ZNF469: variants seen among roughly 807,000 people sequenced by gnomAD.
ZNF469 encodes zinc finger protein 469.
A neutral mutation model predicts 1.0 loss-of-function variants in ZNF469; 1 was observed. The ratio of observed to expected loss-of-function variants is 1.00; its 90% CI spans 0.35 to 4.73. The LOEUF is 4.73. Among genes scored for constraint, ZNF469 ranks in the 30% most tolerant of loss-of-function variants. The pLI is 0.16. For missense variants in ZNF469, 6,100 were observed against 5,356.3 expected (o/e 1.14, Z -4.33); for synonymous variants, 2,703 against 2,363.4 (o/e 1.14, Z -4.17).
the ZNF469 span, among the ~76,000 whole-genome samples, chr16:88,341,824 G>C: frequency 6.6e-6 from 1 of 152,138 alleles, no homozygotes; most frequent in Non-Finnish European, 1.5e-5. Context: ...CGGGTGACTG[G>C]ATGAGCCTGA....
At chr16:88,282,292 T>C in the ZNF469 span, among the ~76,000 whole-genome samples, 1 of 152,132 alleles carries the variant, frequency 6.6e-6, no homozygotes, top group Non-Finnish European at 1.5e-5. Flanking sequence ...CTTGGGCCTG[T>C]GTTCTCACTG....
At chr16:88,186,878 C>A in the ZNF469 span, among the ~76,000 whole-genome samples, 1 of 152,054 alleles carries the variant, frequency 6.6e-6, no homozygotes, top group Non-Finnish European at 1.5e-5. Context: ...GGGGCCTGAG[C>A]TGCAGAGGAG....
the ZNF469 span, among the ~76,000 whole-genome samples, chr16:88,345,709 G>A: frequency 2.6e-5 from 4 of 152,320 alleles, no homozygotes; most frequent in South Asian, 4.1e-4. Flanking sequence ...AGCCTTGCCT[G>A]CTTCCACCAA....
intron 1 of ZNF469, among the ~76,000 whole-genome samples, chr16:88,405,918 C>G (rs549624152): frequency 1.1e-4 from 17 of 152,342 alleles, no homozygotes; most frequent in African/African-American, 3.6e-4. Context: ...CCCCCGCCCC[C>G]AAAACACACA....
intron 1 of ZNF469, among the ~76,000 whole-genome samples, chr16:88,398,786 C>CAGCA (rs767470438): frequency 6.6e-5 from 10 of 152,080 alleles, no homozygotes; most frequent in Non-Finnish European, 1.3e-4. Context: ...GGCTCCTTTG[C>CAGCA]AGCAGCCCAG....
the ZNF469 span, among the ~76,000 whole-genome samples, chr16:88,217,103 T>C: frequency 1.3e-5 from 2 of 152,204 alleles, no homozygotes; most frequent in Non-Finnish European, 2.9e-5. Flanking sequence ...CTCTTGGTTT[T>C]TGGTCGTGTG....
chr16:88,172,556 A>G, the ZNF469 span, among the ~76,000 whole-genome samples: 9 of 152,380 alleles, frequency 5.9e-5, no homozygotes, highest in African/African-American at 2.2e-4. Context: ...CCAGAAATCA[A>G]CAATGAATTT....
At chr16:88,275,476 T>C in the ZNF469 span, among the ~76,000 whole-genome samples, 4 of 152,132 alleles carry the variant, frequency 2.6e-5, no homozygotes, top group African/African-American at 9.7e-5. Context: ...TGAGATCCCC[T>C]CAGAGCCACA....
the ZNF469 span, among the ~76,000 whole-genome samples, chr16:88,135,080 A>G: frequency 6.6e-6 from 1 of 152,240 alleles, no homozygotes; most frequent in African/African-American, 2.4e-5. Context: ...GGCCCCGGGC[A>G]GAAGGGGCTC....
At chr16:88,309,528 C>T in the ZNF469 span, among the ~76,000 whole-genome samples, 2 of 144,772 alleles carry the variant, frequency 1.4e-5, no homozygotes, top group African/African-American at 2.7e-5. Flanking sequence ...GGTCCCGTCT[C>T]GGTGTTCAGG....
At position 88,392,483 on chromosome 16, in the gene ZNF469, C is replaced by T. The variant is rs570846148; in HGVS notation, c.-192+9229C>T. Reference sequence around the variant, plus strand: ...CGGACCTCTTTCGTCTCTGAGAGTTCGTTCCTTAAAATAGGGTCGGTGGGC... The same window carrying T: ...CGGACCTCTTTCGTCTCTGAGAGTTTGTTCCTTAAAATAGGGTCGGTGGGC... On this transcript the variant is annotated intron_variant, in intron 1 of 2. Coordinates refer to ENST00000565624, the MANE Select transcript of ZNF469 (RefSeq NM_001367624.2). 5.9e-5 allele frequency among the ~76,000 whole-genome samples: 9 copies of T among 152,356 alleles called. No individual in the cohort carries two copies. In the South Asian group the frequency reaches 1.7e-3, roughly 28 times the overall value.
At chr16:88,266,300 G>T in the ZNF469 span, among the ~76,000 whole-genome samples, 1 of 152,238 alleles carries the variant, frequency 6.6e-6, no homozygotes, top group South Asian at 2.1e-4. Context: ...CCAGGTCCAC[G>T]CTGACCACAG....
the ZNF469 span, among the ~76,000 whole-genome samples, chr16:88,337,788 T>C: frequency 1.1e-4 from 16 of 152,208 alleles, no homozygotes; most frequent in African/African-American, 3.4e-4. Flanking sequence ...TCCATGTGCG[T>C]TGGAGAAGCC....
chr16:88,261,313 A>G, the ZNF469 span, among the ~76,000 whole-genome samples: 8 of 152,282 alleles, frequency 5.3e-5, no homozygotes, highest in Admixed American at 4.6e-4. The surrounding 1 kb of genome is among the most constrained non-coding windows in gnomAD (Gnocchi z 6.0). Flanking sequence ...ACACGGCACC[A>G]CCTGCCCCTC....
At chr16:88,142,046 G>C in the ZNF469 span, among the ~76,000 whole-genome samples, 5 of 152,230 alleles carry the variant, frequency 3.3e-5, no homozygotes, top group South Asian at 2.1e-4. Flanking sequence ...AGCTGAGCTC[G>C]AGATGCCTGA....
the ZNF469 span, among the ~76,000 whole-genome samples, chr16:88,239,120 G>A: frequency 6.6e-6 from 1 of 152,130 alleles, no homozygotes. Flanking sequence ...CTAGCTCTGT[G>A]TAGATTAGAC....
chr16:88,385,338 C>G (rs1292439236), intron 1 of ZNF469, among the ~76,000 whole-genome samples: 3 of 152,030 alleles, frequency 2.0e-5, no homozygotes, highest in Non-Finnish European at 4.4e-5. Context: ...GGTTCTGACT[C>G]CTACTAATAA....
the ZNF469 span, among the ~76,000 whole-genome samples, chr16:88,337,796 G>A: frequency 6.6e-6 from 1 of 152,206 alleles, no homozygotes; most frequent in Non-Finnish European, 1.5e-5. Flanking sequence ...CGTTGGAGAA[G>A]CCCACTCAGA....
the ZNF469 span, among the ~76,000 whole-genome samples, chr16:88,263,162 C>G: frequency 6.6e-6 from 1 of 152,200 alleles, no homozygotes; most frequent in African/African-American, 2.4e-5. Flanking sequence ...TCTGTCCAAC[C>G]CCGGGGTTTA....
Sources: gnomAD v4.1 joint callset for allele counts (sites outside exome capture counted in the v4.1 genomes callset) on GRCh38, gnomAD v4.1.1 for gene constraint, Gnocchi (gnomAD v3.1) non-coding constraint, MANE v1.5 for transcripts, NCBI Gene and HGNC (gene_info 2026-07-23, HGNC 2026-07-21) for gene names.